The following TBC1D8 variants were observed in gnomAD, a reference collection of about 807,000 sequenced individuals.
TBC1D8 encodes the protein BUB2-like protein 1.
Under a neutral mutation model 118.8 loss-of-function variants are expected in TBC1D8, and 65 were observed. That is an observed-to-expected ratio of 0.55 (90% confidence interval 0.45 to 0.67). TBC1D8 has a LOEUF of 0.67. Among genes scored for constraint, TBC1D8 ranks in the 30% least tolerant of loss-of-function variants. TBC1D8 has a pLI of 0.00. For missense variants in TBC1D8, 1,376 were observed against 1,471.2 expected, an observed-to-expected ratio of 0.94 and a Z score of 1.06; for synonymous variants, 566 against 595.8, an observed-to-expected ratio of 0.95 and a Z score of 0.73.
chr2:101,120,860 C>T (rs1678066528), intron 1 of TBC1D8, among the ~76,000 whole-genome samples: 3 of 152,212 alleles, frequency 2.0e-5, no homozygotes, highest in African/African-American at 7.2e-5. Context: ...CACATGTACA[C>T]ATGCACACTC....
intron 1 of TBC1D8, among the ~76,000 whole-genome samples, chr2:101,141,395 A>G (rs1679093646): frequency 6.6e-6 from 1 of 152,136 alleles, no homozygotes; most frequent in African/African-American, 2.4e-5. Context: ...TCTTCATTCA[A>G]TATGTGCAAA....
At chr2:101,045,368 A>G (rs1245785606) in intron 5 of TBC1D8, among the ~76,000 whole-genome samples, 5 of 152,190 alleles carry the variant, frequency 3.3e-5, no homozygotes, top group Admixed American at 3.3e-4. Context: ...TCCACCCACT[A>G]GAATGCTTTG....
At chr2:101,049,546 G>A (rs931688688) in intron 5 of TBC1D8, among the ~76,000 whole-genome samples, 1 of 151,898 alleles carries the variant, frequency 6.6e-6, no homozygotes, top group African/African-American at 2.4e-5. Context: ...GGCCAACATG[G>A]TTGAAACCCC....
chr2:101,095,902 C>T (rs1263030065), intron 1 of TBC1D8, among the ~76,000 whole-genome samples: 2 of 152,024 alleles, frequency 1.3e-5, no homozygotes, highest in African/African-American at 4.8e-5. Context: ...GTGAAGGTCA[C>T]ACCGAGGGAC....
intron 1 of TBC1D8, among the ~76,000 whole-genome samples, chr2:101,099,445 G>C (rs903284550): frequency 2.0e-5 from 3 of 152,170 alleles, no homozygotes; most frequent in African/African-American, 7.2e-5. Flanking sequence ...AGAGGAGCTT[G>C]TACCATTCCT....
chr2:101,060,111 T>C (rs1682676775), intron 2 of TBC1D8, among the ~76,000 whole-genome samples: 1 of 152,206 alleles, frequency 6.6e-6, no homozygotes, highest in Admixed American at 6.5e-5. Context: ...CTGGGACTGT[T>C]CTATGACCAT....
rs1377052226 is a variant in TBC1D8, at chr2:101,091,893, C to T, written c.128-1529G>A. ...TATGTCTATTTTTATACAGTTTAAC[C>T]ACCTCAAGTGTAAAGAAAAACTGAA... On this transcript the variant is annotated intron_variant, in intron 1 of 19. Coordinates refer to ENST00000409318, the MANE Select transcript of TBC1D8 (RefSeq NM_001330348.2). Among the ~76,000 whole-genome samples, 11 of 152,316 alleles carry T rather than the reference C, an allele frequency of 7.2e-5. No individual in the cohort carries two copies. In the East Asian group the frequency reaches 9.6e-4, roughly 13 times the overall value.
chr2:101,038,255 G>A (rs2105397399), intron 7 of TBC1D8, among the ~76,000 whole-genome samples: 1 of 152,184 alleles, frequency 6.6e-6, no homozygotes, highest in African/African-American at 2.4e-5. Flanking sequence ...TCTCACCTGT[G>A]AGGGGTGACC....
chr2:101,024,810 T>C (rs1302742405), intron 15 of TBC1D8, among the ~76,000 whole-genome samples: 1 of 152,184 alleles, frequency 6.6e-6, no homozygotes. Context: ...GAACCCATTC[T>C]ACAGAATCAG....
At chr2:101,055,697 A>G (rs1359109236) in intron 3 of TBC1D8, among the ~76,000 whole-genome samples, 1 of 152,218 alleles carries the variant, frequency 6.6e-6, no homozygotes, top group Non-Finnish European at 1.5e-5. Context: ...ACTCATTGCT[A>G]ACATCAGAAA....
At chr2:101,009,341 G>A (rs1198562724) in intron 19 of TBC1D8, among the ~76,000 whole-genome samples, 1 of 151,214 alleles carries the variant, frequency 6.6e-6, no homozygotes, top group East Asian at 2.0e-4. Context: ...GGGAGGCGGA[G>A]CTTGCAGTGA....
rs1679629443 is a variant in TBC1D8, at chr2:101,016,278, C to T, written c.2828-4738G>A. 3.3e-5 allele frequency among the ~76,000 whole-genome samples: 5 copies of T among 152,302 alleles called. No homozygotes were observed. The South Asian group carries it at 1.0e-3, about 32-fold the overall frequency. On this transcript the variant is annotated intron_variant, in intron 17 of 19. Transcript: ENST00000409318. ...AGTAGGCAAAGGATATGAACAGACA[C>T]TTCTCAAAAGAAGACATTTATGCAG...
At chr2:101,134,325 A>G (rs1002843639) in intron 1 of TBC1D8, among the ~76,000 whole-genome samples, 5 of 152,232 alleles carry the variant, frequency 3.3e-5, no homozygotes, top group Middle Eastern at 3.4e-3. Context: ...GGCACCATCA[A>G]TACTAATCAG....
At chr2:101,131,234 C>T (rs530161952) in intron 1 of TBC1D8, among the ~76,000 whole-genome samples, 234 of 152,262 alleles carry the variant, frequency 1.5e-3, no homozygotes, top group African/African-American at 5.4e-3. Flanking sequence ...GGTTCCAGGC[C>T]GGGCACGGTG....
chr2:101,121,650 C>G (rs1558719702), intron 1 of TBC1D8, among the ~76,000 whole-genome samples: 1 of 152,242 alleles, frequency 6.6e-6, no homozygotes, highest in Admixed American at 6.5e-5. Context: ...CTAATACCAT[C>G]CTGCTGGTGT....
intron 17 of TBC1D8, among the ~76,000 whole-genome samples, chr2:101,020,131 T>C (rs1679943062): frequency 6.7e-6 from 1 of 149,904 alleles, no homozygotes; most frequent in Admixed American, 6.7e-5. Context: ...AGATGATAAT[T>C]CAAAAGCCAA....
chr2:101,088,606 C>T (rs2105455044), intron 2 of TBC1D8, among the ~76,000 whole-genome samples: 1 of 151,946 alleles, frequency 6.6e-6, no homozygotes, highest in East Asian at 1.9e-4. Context: ...AAGAAATGGG[C>T]TCTCCCTCTA....
rs1226921854 is a variant in TBC1D8 at position 101,050,572 on chromosome 2, G to T, written c.701C>A (p.Thr234Asn). The T allele has an allele frequency of 1.9e-6, 3 of 1,613,864 alleles. No individual in the cohort carries two copies. The highest frequency in any genetic ancestry group is 2.5e-6 in the Non-Finnish European group (3 of 1,179,912). ...ERTSNVFLTD[T>N]IRITTQNKER... is the part of the protein sequence containing the mutation. The stretch of plus-strand genomic sequence containing the variant: ...CTTATTCTGCGTGGTGATTCGGATG[G>T]TATCCGTCAGAAAGACATTGGACGT... Residue 234 changes from threonine to asparagine, a missense_variant, in exon 5 of 20, where the codon ACC (threonine) becomes AAC (asparagine). Coordinates refer to ENST00000409318, the MANE Select transcript of TBC1D8 (RefSeq NM_001330348.2).
chr2:101,013,414 A>G (rs1226097474), intron 17 of TBC1D8, among the ~76,000 whole-genome samples: 1 of 152,166 alleles, frequency 6.6e-6, no homozygotes, highest in Non-Finnish European at 1.5e-5. Flanking sequence ...TTTCATTCCT[A>G]TATATATGTA....
Sources: gnomAD v4.1 joint callset for allele counts (sites outside exome capture counted in the v4.1 genomes callset) on GRCh38, gnomAD v4.1.1 for gene constraint, MANE v1.5 for transcripts, NCBI Gene and HGNC (gene_info 2026-07-23, HGNC 2026-07-21) for gene names.